Variants in HIGD1A observed in about 807,000 individuals in gnomAD.
HIGD1A encodes the protein HIG1 hypoxia inducible domain family member 1A.
HIGD1A carries 8 observed loss-of-function variants against 11.3 expected under a neutral mutation model. The ratio of observed to expected loss-of-function variants is 0.71; its 90% CI spans 0.42 to 1.28. The LOEUF (loss-of-function observed/expected upper bound fraction) is 1.28, where lower values mean the gene tolerates loss of function less well. HIGD1A is among the 50% of genes most tolerant of loss of function. The probability of loss-of-function intolerance (pLI) is 0.01; values close to 1 mark genes in which losing one functional copy is unlikely to be tolerated. For missense variants in HIGD1A, 107 were observed against 118.8 expected (o/e 0.90, Z 0.46); for synonymous variants, 32 against 38.4 (o/e 0.83, Z 0.62).
chr3:42,788,234 A>G (rs1239343293), intron 2 of HIGD1A, among the ~76,000 whole-genome samples: 2 of 152,272 alleles, frequency 1.3e-5, no homozygotes, highest in African/African-American at 4.8e-5. Context: ...ATATAATCAC[A>G]AGTGATAAAG....
At chr3:42,789,726 C>CTATT (rs940574580) in intron 2 of HIGD1A, among the ~76,000 whole-genome samples, 7 of 151,744 alleles carry the variant, frequency 4.6e-5, no homozygotes, top group Middle Eastern at 3.4e-3. Context: ...TAATTTTTAT[C>CTATT]TATTTATTTA....
chr3:42,794,141 TGTCA>T lies in HIGD1A; in HGVS notation c.97+12_97+15del, dbSNP rs774677313. 5 of 1,598,426 alleles carry T rather than the reference TGTCA, an allele frequency of 3.1e-6. No homozygotes were observed. The highest frequency in any genetic ancestry group is 1.1e-5 in the South Asian group (1 of 87,344). ...TCTACCATATTCAAGACTACTAAAA[TGTCA>T]GTCAAACTTACCAACGGGTACGAAT... On this transcript the variant is annotated intron_variant, in intron 2 of 3. Transcript: ENST00000321331.
At chr3:42,804,076 C>T (rs1328870839) in intron 1 of HIGD1A, 2 of 1,309,230 alleles carry the variant, frequency 1.5e-6, no homozygotes, top group Non-Finnish European at 2.1e-6. Flanking sequence ...GAAGCTCCCG[C>T]TCCTCGCTCC....
At chr3:42,788,680 G>C (rs115556163) in intron 2 of HIGD1A, among the ~76,000 whole-genome samples, 2,771 of 151,980 alleles carry the variant, frequency 0.018, 80 homozygotes, top group African/African-American at 0.063. Context: ...ACAGGAGTTC[G>C]AGACTAGCCT....
intron 1 of HIGD1A, 21 bp from the exon 2 acceptor site, chr3:42,794,296 GGTTCT>G: frequency 6.5e-7 from 1 of 1,546,076 alleles, no homozygotes; most frequent in Non-Finnish European, 8.7e-7. Flanking sequence ...ATTTCTATGA[GGTTCT>G]GTAATTAAAA....
intron 1 of HIGD1A, among the ~76,000 whole-genome samples, chr3:42,796,702 A>G (rs1362655999): frequency 1.3e-5 from 2 of 152,074 alleles, no homozygotes; most frequent in African/African-American, 4.8e-5. Flanking sequence ...TGGAGATGAA[A>G]TGGGAAGTTG....
rs1421259141 is a variant in HIGD1A at position 42,783,675 on chromosome 3, C to A, written c.*1596G>T. Among the ~76,000 whole-genome samples the A allele has an allele frequency of 1.3e-5, 2 of 151,926 alleles. No individual in the cohort carries two copies. Among genetic ancestry groups the A allele is most frequent in the African/African-American group, 4.8e-5 (2 of 41,344 alleles). Reference sequence around the variant, plus strand: ...AGAGTAAAATCCAATAATATATCGACCAGAACTGGTTAGTAGAGGAGGAGG... The same window carrying A: ...AGAGTAAAATCCAATAATATATCGAACAGAACTGGTTAGTAGAGGAGGAGG... On this transcript the variant is annotated 3_prime_UTR_variant, in exon 4 of 4. Transcript: ENST00000321331.
At chr3:42,792,131 G>A (rs1338657986) in intron 2 of HIGD1A, among the ~76,000 whole-genome samples, 1 of 152,134 alleles carries the variant, frequency 6.6e-6, no homozygotes, top group East Asian at 1.9e-4. Flanking sequence ...TCAGAGTCGG[G>A]ATCATAGGAC....
intron 2 of HIGD1A, among the ~76,000 whole-genome samples, chr3:42,787,380 A>G (rs938209534): frequency 6.6e-6 from 1 of 152,026 alleles, no homozygotes; most frequent in African/African-American, 2.4e-5. Flanking sequence ...GGATCACCTG[A>G]GATCAGGGGT....
chr3:42,803,790 G>T (rs1700600645), intron 1 of HIGD1A, among the ~76,000 whole-genome samples: 1 of 152,170 alleles, frequency 6.6e-6, no homozygotes, highest in African/African-American at 2.4e-5. Context: ...CTAACCCGCC[G>T]ACTCGGCAGG....
intron 1 of HIGD1A, among the ~76,000 whole-genome samples, chr3:42,801,191 T>A (rs1344563820): frequency 6.6e-6 from 1 of 151,986 alleles, no homozygotes; most frequent in Admixed American, 6.6e-5. Context: ...TACTAGTCTG[T>A]ATCAACTGTC....
intron 1 of HIGD1A, among the ~76,000 whole-genome samples, chr3:42,796,226 T>C (rs1700496949): frequency 6.6e-6 from 1 of 152,188 alleles, no homozygotes; most frequent in Non-Finnish European, 1.5e-5. Flanking sequence ...TCATCTGACA[T>C]AGAAGAAAAT....
intron 2 of HIGD1A, among the ~76,000 whole-genome samples, chr3:42,788,244 G>A (rs973229009): frequency 2.0e-5 from 3 of 152,218 alleles, no homozygotes; most frequent in African/African-American, 7.2e-5. Context: ...AAGTGATAAA[G>A]AGATTTTTAA....
intron 2 of HIGD1A, 38 bp downstream of exon 2, chr3:42,794,119 A>G: frequency 6.3e-7 from 1 of 1,580,246 alleles, no homozygotes; most frequent in Non-Finnish European, 8.6e-7. Flanking sequence ...TCACGGCTCT[A>G]CCATATTCAA....
At chr3:42,787,007 T>C (rs1700360509) in intron 2 of HIGD1A, among the ~76,000 whole-genome samples, 1 of 152,032 alleles carries the variant, frequency 6.6e-6, no homozygotes, top group Non-Finnish European at 1.5e-5. Context: ...TGAGTCAAAA[T>C]GGACAGTTCA....
At chr3:42,804,194 C>G (rs765226480) in intron 1 of HIGD1A, 6 of 1,610,956 alleles carry the variant, frequency 3.7e-6, no homozygotes, top group Non-Finnish European at 5.1e-6. Flanking sequence ...TGCTCCATCT[C>G]CTCGCTGGCT....
intron 1 of HIGD1A, among the ~76,000 whole-genome samples, chr3:42,802,997 T>G (rs987829960): frequency 1.3e-5 from 2 of 152,268 alleles, no homozygotes; most frequent in African/African-American, 4.8e-5. Flanking sequence ...CGGAATCTTC[T>G]TCAGTGACTT....
intron 2 of HIGD1A, among the ~76,000 whole-genome samples, chr3:42,790,431 G>T (rs1700409667): frequency 6.6e-6 from 1 of 152,196 alleles, no homozygotes; most frequent in African/African-American, 2.4e-5. Flanking sequence ...TACTCGGGAG[G>T]CTGAGGCACA....
At chr3:42,794,333 T>G (rs1284513427) in intron 1 of HIGD1A, 58 bp from the exon 2 acceptor site, 1 of 1,422,656 alleles carries the variant, frequency 7.0e-7, no homozygotes, top group African/African-American at 1.5e-5. Context: ...TTATTAAATA[T>G]CTGGATGTAT....
Sources: gnomAD v4.1 joint callset for allele counts (sites outside exome capture counted in the v4.1 genomes callset) on GRCh38, gnomAD v4.1.1 for gene constraint, MANE v1.5 for transcripts, NCBI Gene and HGNC (gene_info 2026-07-23, HGNC 2026-07-21) for gene names.